The following SLC25A48 variants were observed in gnomAD, a reference collection of about 807,000 sequenced individuals.
The protein encoded by SLC25A48 is solute carrier family 25 member 48.
In SLC25A48, 29 loss-of-function variants were observed where a neutral mutation model predicts 32.2. The ratio of observed to expected loss-of-function variants is 0.90; its 90% CI spans 0.67 to 1.23. The LOEUF (loss-of-function observed/expected upper bound fraction) is 1.23, where lower values mean the gene tolerates loss of function less well. SLC25A48 is among the 50% of genes most tolerant of loss of function. The pLI, the probability that SLC25A48 is intolerant of heterozygous loss-of-function variation, is 0.00. For synonymous variants in SLC25A48, 164 were observed against 172.3 expected, an observed-to-expected ratio of 0.95 and a Z score of 0.38; for missense variants, 399 against 422.7, an observed-to-expected ratio of 0.94 and a Z score of 0.49.
intron 3 of SLC25A48, among the ~76,000 whole-genome samples, chr5:135,735,323 G>A (rs1170688943): frequency 6.6e-6 from 1 of 152,182 alleles, no homozygotes; most frequent in Non-Finnish European, 1.5e-5. Context: ...TGGGGTTTGA[G>A]GGCCGGATTC....
At chr5:135,686,429 C>A (rs544432373) in intron 3 of SLC25A48, among the ~76,000 whole-genome samples, 1 of 152,330 alleles carries the variant, frequency 6.6e-6, no homozygotes, top group South Asian at 2.1e-4. Flanking sequence ...CCTTGGATAA[C>A]TGTACTTGGG....
intron 3 of SLC25A48, among the ~76,000 whole-genome samples, chr5:135,802,108 A>G (rs1302351980): frequency 6.6e-5 from 10 of 151,798 alleles, no homozygotes. Flanking sequence ...GGAAGAGAAG[A>G]TATTACTCCC....
At chr5:135,593,063 C>T (rs79186895) in intron 1 of SLC25A48, among the ~76,000 whole-genome samples, 6,743 of 152,220 alleles carry the variant, frequency 0.044, 179 homozygotes, top group Non-Finnish European at 0.051. Context: ...CCCAGGCTCC[C>T]GGCTTCCTGA....
At chr5:135,874,525 C>T (rs761757561) in intron 6 of SLC25A48, 4 of 562,748 alleles carry the variant, frequency 7.1e-6, no homozygotes, top group Middle Eastern at 3.9e-4. Context: ...CCCCACTCCT[C>T]CTCCCAGTGG....
intron 3 of SLC25A48, among the ~76,000 whole-genome samples, chr5:135,684,187 C>G (rs1221066415): frequency 2.6e-5 from 4 of 152,152 alleles, no homozygotes; most frequent in Non-Finnish European, 5.9e-5. Flanking sequence ...TCCCCAACAA[C>G]TCGGTTCTCA....
chr5:135,796,135 G>A (rs1042657455), intron 3 of SLC25A48, among the ~76,000 whole-genome samples: 2 of 151,734 alleles, frequency 1.3e-5, no homozygotes, highest in African/African-American at 4.8e-5. Context: ...AATATCCATG[G>A]TGGGAGAGGG....
intron 3 of SLC25A48, among the ~76,000 whole-genome samples, chr5:135,699,916 T>C (rs1411066831): frequency 6.6e-6 from 1 of 152,196 alleles, no homozygotes; most frequent in African/African-American, 2.4e-5. Context: ...ACCCTGTTTT[T>C]ACCCAATGAG....
intron 3 of SLC25A48, among the ~76,000 whole-genome samples, chr5:135,756,236 T>C (rs912012499): frequency 7.2e-5 from 11 of 152,086 alleles, no homozygotes; most frequent in African/African-American, 2.7e-4. Flanking sequence ...AAATAAAGTC[T>C]ACATGGTATT....
intron 1 of SLC25A48, among the ~76,000 whole-genome samples, chr5:135,617,673 G>GT (rs199796432): frequency 0.014 from 2,069 of 150,964 alleles, 59 homozygotes; most frequent in African/African-American, 0.048. Context: ...TGTTTCAACA[G>GT]TTTTTTTTTA....
chr5:135,579,800 C>A (rs927201044), intron 1 of SLC25A48, among the ~76,000 whole-genome samples: 2 of 152,132 alleles, frequency 1.3e-5, no homozygotes, highest in Non-Finnish European at 2.9e-5. Context: ...ACAGTGGTAA[C>A]CATCTGGATG....
intron 3 of SLC25A48, among the ~76,000 whole-genome samples, chr5:135,731,429 G>T (rs1755218921): frequency 6.6e-6 from 1 of 152,190 alleles, no homozygotes; most frequent in South Asian, 2.1e-4. Flanking sequence ...CAAAATAGTG[G>T]TAAAGTGTTG....
At chr5:135,840,551 G>A (rs1020828724) in intron 1 of SLC25A48, among the ~76,000 whole-genome samples, 4 of 152,162 alleles carry the variant, frequency 2.6e-5, no homozygotes, top group Non-Finnish European at 5.9e-5. Context: ...GATGCTGTAC[G>A]CTTCAAGAGT....
At chr5:135,614,952 C>T (rs945442322) in intron 1 of SLC25A48, among the ~76,000 whole-genome samples, 1 of 152,134 alleles carries the variant, frequency 6.6e-6, no homozygotes, top group Non-Finnish European at 1.5e-5. Flanking sequence ...CTGCTTCAGC[C>T]ATGTAAGACG....
intron 1 of SLC25A48, among the ~76,000 whole-genome samples, chr5:135,588,044 G>A (rs537375785): frequency 1.3e-5 from 2 of 152,242 alleles, no homozygotes; most frequent in Non-Finnish European, 2.9e-5. Flanking sequence ...GAATTCAAGA[G>A]GCTCAGAACC....
At chr5:135,706,498 A>G (rs566511744) in intron 3 of SLC25A48, among the ~76,000 whole-genome samples, 7 of 144,782 alleles carry the variant, frequency 4.8e-5, no homozygotes, top group African/African-American at 1.5e-4. Flanking sequence ...TACAGGGTCT[A>G]ACACATAAGA....
intron 3 of SLC25A48, among the ~76,000 whole-genome samples, chr5:135,799,532 G>A (rs1255115564): frequency 7.3e-5 from 11 of 151,502 alleles, no homozygotes; most frequent in African/African-American, 2.4e-4. Flanking sequence ...TCCCATTATC[G>A]AAGGATGTGT....
At chr5:135,775,628 G>C (rs1244031972) in intron 3 of SLC25A48, among the ~76,000 whole-genome samples, 1 of 151,456 alleles carries the variant, frequency 6.6e-6, no homozygotes, top group Non-Finnish European at 1.5e-5. Flanking sequence ...CCCCATGCCT[G>C]TGATATTGCT....
At chr5:135,837,512 C>T (rs530592699) in intron 1 of SLC25A48, among the ~76,000 whole-genome samples, 82 of 152,302 alleles carry the variant, frequency 5.4e-4, no homozygotes, top group Middle Eastern at 6.8e-3. Context: ...AAGGCTGATA[C>T]GGTTTGGCTG....
chr5:135,707,453 A>G (rs1335619498), intron 3 of SLC25A48, among the ~76,000 whole-genome samples: 11 of 150,312 alleles, frequency 7.3e-5, no homozygotes, highest in Admixed American at 7.3e-4. Context: ...GTTAGTTCCT[A>G]CTCCCTCCTG....
Sources: gnomAD v4.1 joint callset for allele counts (sites outside exome capture counted in the v4.1 genomes callset) on GRCh38, gnomAD v4.1.1 for gene constraint, MANE v1.5 for transcripts, NCBI Gene and HGNC (gene_info 2026-07-23, HGNC 2026-07-21) for gene names.